The following RXFP1 variants were observed in gnomAD, a reference collection of about 807,000 sequenced individuals.
The protein encoded by RXFP1 is relaxin family peptide receptor 1, also known as relaxin receptor 1.
In RXFP1, 73 loss-of-function variants were observed where a neutral mutation model predicts 89.8. That is an observed-to-expected ratio of 0.81 (90% confidence interval 0.67 to 0.99). RXFP1 has a LOEUF of 0.99. Ranked by LOEUF, RXFP1 falls within the 50% of genes least tolerant of loss-of-function variation. The pLI, the probability that RXFP1 is intolerant of heterozygous loss-of-function variation, is 0.00. For synonymous variants in RXFP1, 277 were observed against 305.5 expected (o/e 0.91, Z 0.97); for missense variants, 793 against 895.5 (o/e 0.89, Z 1.46).
At chr4:158,528,584 C>T (rs1273016015) in intron 1 of RXFP1, among the ~76,000 whole-genome samples, 1 of 152,178 alleles carries the variant, frequency 6.6e-6, no homozygotes, top group Non-Finnish European at 1.5e-5. Context: ...CCAGTCCATG[C>T]TCCTATCCTA....
intron 2 of RXFP1, among the ~76,000 whole-genome samples, chr4:158,580,972 T>G (rs1477496392): frequency 6.6e-6 from 1 of 152,094 alleles, no homozygotes; most frequent in Non-Finnish European, 1.5e-5. Flanking sequence ...TAATTTTTAA[T>G]AGAGACAGGG....
chr4:158,524,440 G>A (rs1314288152), intron 1 of RXFP1, among the ~76,000 whole-genome samples: 1 of 152,144 alleles, frequency 6.6e-6, no homozygotes, highest in East Asian at 1.9e-4. Context: ...CTGCTCTAAA[G>A]GGATAGGATG....
intron 5 of RXFP1, among the ~76,000 whole-genome samples, chr4:158,606,721 C>T (rs924372465): frequency 1.8e-4 from 27 of 151,330 alleles, no homozygotes; most frequent in African/African-American, 5.1e-4. Context: ...GTAGCTAGGA[C>T]TACAGGCATG....
rs756967196 is a variant in RXFP1 at position 158,633,457 on chromosome 4, C to A, written c.952C>A (p.Leu318Met). The A allele has an allele frequency of 3.1e-6, 5 of 1,599,574 alleles. No individual in the cohort carries two copies. The highest frequency in any genetic ancestry group is 4.3e-6 in the Non-Finnish European group (5 of 1,170,014). The stretch of plus-strand genomic sequence containing the variant: ...TCTTCCACCGCTTATATTCAAGGAC[C>A]TGAAGGAGCTGTCACAATTGTAAGA... The part of the protein sequence containing the change: ...ENLPPLIFKD[L>M]KELSQLNLSY... Residue 318 changes from leucine to methionine, a missense_variant, in exon 12 of 18, where the codon CTG becomes ATG. By Grantham distance (15) the Leu-to-Met change is conservative. Coordinates refer to ENST00000307765, the MANE Select transcript of RXFP1 (RefSeq NM_021634.4).
chr4:158,539,858 GA>G lies in RXFP1; in HGVS notation c.49+17841del, dbSNP rs547949321. 6.7e-3 allele frequency among the ~76,000 whole-genome samples: 1,016 copies of G among 151,900 alleles called. 5 individuals are homozygous for G. Among genetic ancestry groups the G allele is most frequent in the Non-Finnish European group, 0.012 (784 of 67,916 alleles). On this transcript the variant is annotated intron_variant, in intron 1 of 17. Coordinates refer to ENST00000307765, the MANE Select transcript of RXFP1 (RefSeq NM_021634.4). ...GAAATTGTCCTTTTGGCTAAAGATGGAAAAAAAATCACAGATTTCAAGTCAT... is the reference window on the plus strand; with the variant it reads ...GAAATTGTCCTTTTGGCTAAAGATGGAAAAAAATCACAGATTTCAAGTCAT...
intron 1 of RXFP1, among the ~76,000 whole-genome samples, chr4:158,567,111 C>T (rs982864521): frequency 5.3e-5 from 8 of 152,320 alleles, no homozygotes; most frequent in African/African-American, 9.6e-5. Flanking sequence ...CTGGATTTCT[C>T]GTGGGGCCTT....
rs1360739324 is a variant in RXFP1 at position 158,652,775 on chromosome 4, C to T, written c.*720C>T. 1 of 152,126 alleles carries T rather than the reference C, an allele frequency of 6.6e-6. No individual in the cohort carries two copies. Among genetic ancestry groups the T allele is most frequent in the Non-Finnish European group, 1.5e-5 (1 of 68,024 alleles). The allele number at this position is 152,126 out of a possible 1,614,324, so 9.4% of individuals were successfully genotyped here. A position where few individuals can be genotyped will look rare whatever the true frequency, so the allele number is the denominator to read the frequency against. ...TTGGAATAGGAGAGTATGAGTACGG[C>T]AGAGAAGTGGATCAGAAAAACTAGA... On this transcript the variant is annotated 3_prime_UTR_variant, in exon 18 of 18. Coordinates refer to ENST00000307765, the MANE Select transcript of RXFP1 (RefSeq NM_021634.4).
intron 9 of RXFP1, among the ~76,000 whole-genome samples, chr4:158,618,052 G>GA (rs1037796462): frequency 6.6e-6 from 1 of 151,920 alleles, no homozygotes; most frequent in Admixed American, 6.6e-5. Context: ...CAACCTCTCA[G>GA]AAAAAAACAA....
chr4:158,580,559 C>T (rs184283726), intron 2 of RXFP1, among the ~76,000 whole-genome samples: 2 of 152,258 alleles, frequency 1.3e-5, no homozygotes, highest in East Asian at 3.9e-4. Context: ...GTAGCAAAAA[C>T]TGCCCTCTGC....
At chr4:158,606,106 GA>G (rs1414967577) in intron 5 of RXFP1, among the ~76,000 whole-genome samples, 1 of 152,128 alleles carries the variant, frequency 6.6e-6, no homozygotes. Context: ...AGTCAAAAGA[GA>G]AGAACTTTTC....
At chr4:158,579,942 G>A (rs1220917333) in intron 2 of RXFP1, among the ~76,000 whole-genome samples, 1 of 152,146 alleles carries the variant, frequency 6.6e-6, no homozygotes, top group African/African-American at 2.4e-5. Flanking sequence ...CACCAGGGAG[G>A]CTCAGAAACA....
At chr4:158,577,304 T>C (rs780326617) in intron 2 of RXFP1, among the ~76,000 whole-genome samples, 17 of 152,288 alleles carry the variant, frequency 1.1e-4, no homozygotes, top group South Asian at 6.2e-4. Context: ...CCTAAAGTGC[T>C]GGGATTACAG....
chr4:158,637,123 A>T (rs1246710828), intron 12 of RXFP1, among the ~76,000 whole-genome samples: 2 of 152,130 alleles, frequency 1.3e-5, no homozygotes, highest in Non-Finnish European at 2.9e-5. Flanking sequence ...ATGTATACAT[A>T]TTTTTTTATC....
At position 158,652,048 on chromosome 4, in the gene RXFP1, AT is replaced by A. The variant is rs1226116758; in HGVS notation, c.2269del (p.Ser757HisfsTer3). ...LISQSTRLNS[Y>X]S ...TCTCAATCAACGAGACTCAATTCCT[AT>A]TCATGACTGACTCTGAAATTCATTT... On this transcript the variant is annotated frameshift_variant, in exon 18 of 18. Transcript: ENST00000307765. LOFTEE classifies it high-confidence loss of function. The A allele has an allele frequency of 6.2e-7, 1 of 1,605,082 alleles. No homozygotes were observed. The highest frequency in any genetic ancestry group is 8.5e-7 in the Non-Finnish European group (1 of 1,174,206).
intron 1 of RXFP1, among the ~76,000 whole-genome samples, chr4:158,564,658 C>T (rs1579645878): frequency 1.3e-5 from 2 of 152,150 alleles, no homozygotes; most frequent in African/African-American, 4.8e-5. Context: ...TAGGCTGGTT[C>T]AGGACTAAAA....
At chr4:158,540,760 C>G (rs1208435215) in intron 1 of RXFP1, among the ~76,000 whole-genome samples, 1 of 152,050 alleles carries the variant, frequency 6.6e-6, no homozygotes. Flanking sequence ...CCCTCCCTGC[C>G]CCGCAGCAGC....
rs201254644 is a variant in RXFP1 at position 158,604,322 on chromosome 4, TCA to T, written c.393-744_393-743del. Among the ~76,000 whole-genome samples the T allele has an allele frequency of 4.5e-3, 683 of 152,286 alleles. 8 individuals are homozygous for T. The highest frequency in any genetic ancestry group is 0.024 in the Middle Eastern group (7 of 294). ...TACCATCTAATCCAAATCCCTCCTT[TCA>T]CTGTTAAAGAGACTGACTTGGAGAG... On this transcript the variant is annotated intron_variant, in intron 4 of 17. Coordinates refer to ENST00000307765, the MANE Select transcript of RXFP1 (RefSeq NM_021634.4).
chr4:158,594,608 A>T (rs1326838454), intron 3 of RXFP1, among the ~76,000 whole-genome samples: 2 of 151,984 alleles, frequency 1.3e-5, no homozygotes, highest in Non-Finnish European at 2.9e-5. Flanking sequence ...TATAGATAGG[A>T]TGTTTTGTTT....
At chr4:158,618,776 G>A (rs1765065418) in intron 9 of RXFP1, among the ~76,000 whole-genome samples, 1 of 151,872 alleles carries the variant, frequency 6.6e-6, no homozygotes, top group Admixed American at 6.6e-5. Flanking sequence ...GGTATTTGCA[G>A]GACAATAAAC....
Sources: allele counts gnomAD v4.1 joint callset (sites outside exome capture counted in the v4.1 genomes callset), GRCh38; gene constraint gnomAD v4.1.1; transcripts MANE v1.5; gene names NCBI Gene and HGNC (gene_info 2026-07-23, HGNC 2026-07-21).